Variants in GLIS3 observed in about 807,000 individuals in gnomAD.
GLIS3 encodes GLIS family zinc finger 3, also known as zinc finger protein GLIS3.
GLIS3 carries 53 observed loss-of-function variants against 78.6 expected under a neutral mutation model. That is an observed-to-expected ratio of 0.67 (90% CI 0.54 to 0.85). The LOEUF (loss-of-function observed/expected upper bound fraction) is 0.85. Ranked by LOEUF, GLIS3 falls within the 40% of genes least tolerant of loss-of-function variation. The probability of loss-of-function intolerance (pLI) is 0.00; values close to 1 mark genes in which losing one functional copy is unlikely to be tolerated. For missense variants in GLIS3, 1,703 were observed against 1,231.1 expected, an observed-to-expected ratio of 1.38 and a Z score of -5.74; for synonymous variants, 684 against 509.9, an observed-to-expected ratio of 1.34 and a Z score of -4.60.
chr9:4,080,358 A>AG (rs1828448567), intron 4 of GLIS3, among the ~76,000 whole-genome samples: 1 of 152,198 alleles, frequency 6.6e-6, no homozygotes, highest in Admixed American at 6.5e-5. Flanking sequence ...GAATCATTTA[A>AG]GGGGGCTCCA....
chr9:4,403,500 A>G, the GLIS3 span, among the ~76,000 whole-genome samples: 1 of 152,178 alleles, frequency 6.6e-6, no homozygotes, highest in Non-Finnish European at 1.5e-5. Flanking sequence ...TAATAACTAC[A>G]ACAACTTTTC....
At chr9:4,342,393 G>A (rs10115996) in intron 2 of GLIS3, among the ~76,000 whole-genome samples, 149,956 of 152,258 alleles carry the variant, frequency 0.98, 73,882 homozygotes, top group Middle Eastern at 1. Flanking sequence ...TTTGTCAAAG[G>A]TTGGGTGATT....
intron 9 of GLIS3, among the ~76,000 whole-genome samples, chr9:3,847,229 TAAAG>T (rs1407410216): frequency 2.0e-5 from 3 of 150,960 alleles, no homozygotes; most frequent in South Asian, 4.2e-4. Flanking sequence ...AAAAATAAAA[TAAAG>T]AGGGGGCAGA....
chr9:4,012,069 G>T (rs979616802), intron 4 of GLIS3, among the ~76,000 whole-genome samples: 4 of 152,120 alleles, frequency 2.6e-5, no homozygotes, highest in Admixed American at 6.6e-5. Context: ...AGAAAAAAAT[G>T]TAAAACATAC....
At chr9:4,216,535 G>A (rs899787548) in intron 2 of GLIS3, among the ~76,000 whole-genome samples, 2 of 151,900 alleles carry the variant, frequency 1.3e-5, no homozygotes, top group East Asian at 1.9e-4. Flanking sequence ...AAGAAAATGT[G>A]GGTTGAATTG....
chr9:4,340,393 C>T (rs1419886077), intron 2 of GLIS3, among the ~76,000 whole-genome samples: 1 of 151,836 alleles, frequency 6.6e-6, no homozygotes, highest in East Asian at 1.9e-4. Context: ...AAAACTTCAA[C>T]TTCCCAATTA....
At chr9:3,858,080 T>G (rs1298683153) in intron 8 of GLIS3, among the ~76,000 whole-genome samples, 1 of 152,196 alleles carries the variant, frequency 6.6e-6, no homozygotes. Context: ...CAGTCATTGC[T>G]GGTGTCCCAG....
chr9:4,449,625 G>A, the GLIS3 span, among the ~76,000 whole-genome samples: 6 of 152,182 alleles, frequency 3.9e-5, no homozygotes. Flanking sequence ...GCTTCCAGAG[G>A]AAGGATCAGG....
intron 1 of GLIS3, among the ~76,000 whole-genome samples, chr9:4,295,098 C>G (rs1477387539): frequency 6.6e-6 from 1 of 152,184 alleles, no homozygotes; most frequent in Admixed American, 6.5e-5. Context: ...TTATTCTTGC[C>G]TTTATCTTGG....
chr9:4,017,268 T>A (rs1563951740), intron 4 of GLIS3, among the ~76,000 whole-genome samples: 1 of 152,260 alleles, frequency 6.6e-6, no homozygotes, highest in East Asian at 1.9e-4. Flanking sequence ...CTATAATTAG[T>A]CAGAGTGGTT....
At chr9:3,853,379 T>G (rs1259623446) in intron 9 of GLIS3, among the ~76,000 whole-genome samples, 2 of 151,382 alleles carry the variant, frequency 1.3e-5, no homozygotes, top group African/African-American at 4.8e-5. Context: ...CATTATTCAT[T>G]TGTTGAATGA....
intron 2 of GLIS3, among the ~76,000 whole-genome samples, chr9:4,135,207 T>A: frequency 6.6e-6 from 1 of 152,240 alleles, no homozygotes; most frequent in East Asian, 1.9e-4. Flanking sequence ...TTATTTGGGA[T>A]TATCTTTATT....
intron 3 of GLIS3, chr9:4,123,771 T>G (rs1832364061): frequency 2.5e-6 from 1 of 398,132 alleles, no homozygotes; most frequent in Non-Finnish European, 4.4e-6. Context: ...ATTCCACCCA[T>G]GGTCGTCTCT....
chr9:4,398,476 T>C, the GLIS3 span, among the ~76,000 whole-genome samples: 2 of 151,996 alleles, frequency 1.3e-5, no homozygotes, highest in East Asian at 1.9e-4. Flanking sequence ...TGGAGTTGCC[T>C]TGGGGTCGTG....
the GLIS3 span, among the ~76,000 whole-genome samples, chr9:4,431,811 T>TGGG: frequency 7.5e-6 from 1 of 132,982 alleles, no homozygotes; most frequent in Non-Finnish European, 1.5e-5. Context: ...ACCATTGCAC[T>TGGG]CCAGCCTGGG....
intron 2 of GLIS3, among the ~76,000 whole-genome samples, chr9:4,169,908 A>G (rs188141190): frequency 8.5e-5 from 13 of 152,350 alleles, no homozygotes; most frequent in Non-Finnish European, 1.6e-4. Context: ...TATAATTAGC[A>G]ATCAGTAAAT....
intron 8 of GLIS3, among the ~76,000 whole-genome samples, chr9:3,872,459 T>A: frequency 6.6e-6 from 1 of 152,198 alleles, no homozygotes; most frequent in East Asian, 1.9e-4. Context: ...TTAATTGGAC[T>A]TACATGTGGT....
chr9:3,949,730 G>A (rs1816543341), intron 4 of GLIS3, among the ~76,000 whole-genome samples: 1 of 152,104 alleles, frequency 6.6e-6, no homozygotes, highest in Admixed American at 6.5e-5. Context: ...GTCTTTTTTG[G>A]AAAAATAATA....
At chr9:4,450,917 A>G in the GLIS3 span, among the ~76,000 whole-genome samples, 4 of 152,344 alleles carry the variant, frequency 2.6e-5, no homozygotes, top group African/African-American at 9.6e-5. Flanking sequence ...AAAGACCATC[A>G]ATGCTAGAAA....
Sources: allele counts gnomAD v4.1 joint callset (sites outside exome capture counted in the v4.1 genomes callset), GRCh38; gene constraint gnomAD v4.1.1; transcripts MANE v1.5; gene names NCBI Gene and HGNC (gene_info 2026-07-23, HGNC 2026-07-21).